The following KIAA1671 variants were observed in gnomAD, a reference collection of about 807,000 sequenced individuals.
KIAA1671 encodes uncharacterized protein KIAA1671.
KIAA1671 carries 52 observed loss-of-function variants against 131.2 expected under a neutral mutation model. That is an observed-to-expected ratio of 0.40 (90% CI 0.32 to 0.50). The LOEUF is 0.50. Among genes scored for constraint, KIAA1671 ranks in the 20% least tolerant of loss-of-function variants. The pLI, the probability that KIAA1671 is intolerant of heterozygous loss-of-function variation, is 0.73. For missense variants in KIAA1671, 2,360 were observed against 2,364.2 expected, an observed-to-expected ratio of 1.00 and a Z score of 0.04; for synonymous variants, 1,003 against 961.6, an observed-to-expected ratio of 1.04 and a Z score of -0.80.
intron 6 of KIAA1671, among the ~76,000 whole-genome samples, chr22:25,074,795 G>A (rs1251774419): frequency 3.3e-5 from 5 of 152,056 alleles, no homozygotes; most frequent in African/African-American, 1.2e-4. Context: ...GGACACTTCG[G>A]GTGTGTCCAC....
chr22:25,166,197 C>T (rs529347887), intron 6 of KIAA1671, among the ~76,000 whole-genome samples: 2 of 152,112 alleles, frequency 1.3e-5, no homozygotes, highest in African/African-American at 2.4e-5. Flanking sequence ...GACTGAGGAT[C>T]GATGCAGTAT....
chr22:25,034,542 C>T (rs1179502037), intron 4 of KIAA1671, among the ~76,000 whole-genome samples: 3 of 151,636 alleles, frequency 2.0e-5, no homozygotes, highest in African/African-American at 7.3e-5. Context: ...GTAGTTCATT[C>T]CTTTCTGTTG....
At chr22:25,121,544 C>T (rs1049573630) in intron 6 of KIAA1671, among the ~76,000 whole-genome samples, 6 of 151,828 alleles carry the variant, frequency 4.0e-5, no homozygotes, top group African/African-American at 1.5e-4. Context: ...TAATGGTGTG[C>T]TGGTAAAATG....
At chr22:25,013,907 C>A (rs1473866492) in intron 1 of KIAA1671, 1 of 152,188 alleles carries the variant, frequency 6.6e-6, no homozygotes, top group Non-Finnish European at 1.5e-5. Context: ...CATTAGACAT[C>A]TTTACTGGGT....
intron 12 of KIAA1671, among the ~76,000 whole-genome samples, 185 bp from the exon 13 acceptor site, chr22:25,192,221 A>T (rs570102797): frequency 3.2e-4 from 49 of 152,034 alleles, no homozygotes; most frequent in Non-Finnish European, 6.3e-4. Flanking sequence ...GTTTCACTGT[A>T]TTCCATGCCT....
chr22:25,092,210 A>G (rs1489690756), intron 6 of KIAA1671, among the ~76,000 whole-genome samples: 2 of 152,244 alleles, frequency 1.3e-5, no homozygotes, highest in African/African-American at 4.8e-5. Flanking sequence ...TGATGTGACA[A>G]TAAAACAGGT....
intron 1 of KIAA1671, among the ~76,000 whole-genome samples, chr22:24,976,693 TC>T (rs34884931): frequency 6.6e-6 from 1 of 152,134 alleles, no homozygotes; most frequent in Non-Finnish European, 1.5e-5. Flanking sequence ...CCCTGCCTGC[TC>T]CCCACATGCT....
chr22:25,115,120 A>G (rs1448835028), intron 6 of KIAA1671, among the ~76,000 whole-genome samples: 1 of 152,130 alleles, frequency 6.6e-6, no homozygotes, highest in Non-Finnish European at 1.5e-5. Flanking sequence ...AGGGAAAACA[A>G]ATGCTTTGTC....
rs1052172000 is a variant in KIAA1671 at position 25,047,430 on chromosome 22, C to T, written c.4396-1800C>T. On this transcript the variant is annotated intron_variant, in intron 5 of 12. Transcript: ENST00000358431. ...CCTCCCAAAGTGCTAGGATTACAGG[C>T]GTGAGCCGCCACCACCACCATGCCT... Among the ~76,000 whole-genome samples, 8 of 150,580 alleles carry T rather than the reference C, an allele frequency of 5.3e-5. No individual in the cohort carries two copies. The East Asian group carries it at 1.4e-3, about 26-fold the overall frequency.
At chr22:25,029,924 A>G (rs1926183940) in intron 3 of KIAA1671, among the ~76,000 whole-genome samples, 1 of 152,224 alleles carries the variant, frequency 6.6e-6, no homozygotes, top group African/African-American at 2.4e-5. Flanking sequence ...TCTTCCCTGA[A>G]GTCAGAGAGA....
chr22:25,040,525 G>C lies in KIAA1671; in HGVS notation c.3395G>C (p.Ser1132Thr). 6.4e-7 allele frequency: 1 copy of C among 1,551,854 alleles called. No individual in the cohort carries two copies. Among genetic ancestry groups the C allele is most frequent in the Non-Finnish European group, 8.7e-7 (1 of 1,147,034 alleles). ...ATCATTGATGTGGATGCCTTATGGA[G>C]TCATCGGGGATCAGAAGATGGCCCT... is the stretch of plus-strand genomic sequence containing the variant. The part of the protein sequence containing the change: ...GRIIDVDALW[S>T]HRGSEDGPRP... The change falls in exon 5 of 13, where the codon AGT becomes ACT. Residue 1132 changes from serine (S) to threonine (T), a missense_variant. Physicochemically the swap from Ser to Thr is moderately conservative, Grantham distance 58. Around this residue, in one of 3 missense-constraint regions of KIAA1671, gnomAD observed 1,161 missense variants for 1,204.7 expected, o/e 0.96. Transcript: ENST00000358431.
Position 25,190,715 on chromosome 22 carries a change from T to C in KIAA1671, c.5356T>C (p.Ser1786Pro), listed in dbSNP as rs763988123. Reference protein sequence around the residue: ...MDKDERSDEPSPQWLKELKSK... With the variant: ...MDKDERSDEPPPQWLKELKSK... ...TTGTGGTTTCAGGTCGGATGAACCC[T>C]CTCCCCAGTGGCTAAAGGAATTGAA... The change falls in exon 12 of 13, where the codon TCT becomes CCT. Residue 1786 changes from serine to proline, a missense_variant. Physicochemically the swap from Ser to Pro is moderately conservative, Grantham distance 74 (BLOSUM62 -1). Around this residue, in one of 3 missense-constraint regions of KIAA1671, gnomAD observed 1,161 missense variants for 1,204.7 expected, o/e 0.96. Coordinates refer to ENST00000358431, the MANE Select transcript of KIAA1671 (RefSeq NM_001145206.2). 1.5e-5 allele frequency: 24 copies of C among 1,551,466 alleles called. 1 individual carries two copies. In the South Asian group the frequency reaches 2.9e-4, roughly 18 times the overall value.
At chr22:25,082,435 T>A (rs559290238) in intron 6 of KIAA1671, among the ~76,000 whole-genome samples, 1 of 152,288 alleles carries the variant, frequency 6.6e-6, no homozygotes, top group South Asian at 2.1e-4. Context: ...ATTTTATCAC[T>A]GTGATTGGAG....
Position 25,040,338 on chromosome 22 carries a change from A to G in KIAA1671, c.3208A>G (p.Thr1070Ala). The G allele has an allele frequency of 6.4e-7, 1 of 1,551,636 alleles. No homozygotes were observed. Among genetic ancestry groups the G allele is most frequent in the South Asian group, 1.2e-5 (1 of 84,046 alleles). ...CTCGTCTCCTCATTCTTTAACATCC[A>G]CTTTGGTTTCTCTTGGTCATGAAGA... ...PPSSPHSLTS[T>A]LVSLGHEEAL... The change falls in exon 5 of 13, where the codon ACT (threonine) becomes GCT (alanine). Residue 1070 changes from threonine (T) to alanine (A), a missense_variant. By Grantham distance (58) the Thr-to-Ala change is moderately conservative. Coordinates refer to ENST00000358431, the MANE Select transcript of KIAA1671 (RefSeq NM_001145206.2).
intron 6 of KIAA1671, among the ~76,000 whole-genome samples, chr22:25,122,953 C>T (rs556388515): frequency 3.3e-5 from 5 of 151,174 alleles, no homozygotes; most frequent in South Asian, 2.1e-4. Context: ...CCAGCCGGGG[C>T]GACAGAGCAA....
In KIAA1671 at chr22:25,029,525, C is replaced by A; in HGVS notation, c.1526C>A (p.Ala509Glu). The A allele has an allele frequency of 6.5e-7, 1 of 1,540,986 alleles. No homozygotes were observed. The highest frequency in any genetic ancestry group is 8.8e-7 in the Non-Finnish European group (1 of 1,141,502). ...RRTFQARPLS[A>E]DLTKLFSSSA... ...ACGTTCCAGGCTCGGCCGCTGTCGG[C>A]GGATTTGACCAAATTGTAAGTAGGC... The change falls in exon 3 of 13, where the codon GCG (alanine) becomes GAG (glutamate). Residue 509 changes from alanine (A) to glutamate (E), a missense_variant. Ala to Glu is a moderately radical substitution (Grantham distance 107). Transcript: ENST00000358431.
intron 1 of KIAA1671, among the ~76,000 whole-genome samples, chr22:24,980,669 C>G (rs897434641): frequency 5.3e-5 from 8 of 152,120 alleles, no homozygotes; most frequent in African/African-American, 1.2e-4. Context: ...TCCACAGTGG[C>G]TACACTATTT....
At chr22:25,000,992 A>G (rs952450185) in intron 1 of KIAA1671, among the ~76,000 whole-genome samples, 12 of 150,952 alleles carry the variant, frequency 7.9e-5, no homozygotes, top group African/African-American at 1.9e-4. Flanking sequence ...CTTTTTTTTC[A>G]TGTGCTTATT....
intron 6 of KIAA1671, among the ~76,000 whole-genome samples, chr22:25,124,386 A>G (rs898091279): frequency 6.6e-6 from 1 of 152,256 alleles, no homozygotes; most frequent in South Asian, 2.1e-4. Flanking sequence ...TAAAAATTGC[A>G]GAGTTTGTGA....
Sources: allele counts gnomAD v4.1 joint callset (sites outside exome capture counted in the v4.1 genomes callset), GRCh38; gene constraint gnomAD v4.1.1; regional missense constraint gnomAD v4.1.1; transcripts MANE v1.5; gene names NCBI Gene and HGNC (gene_info 2026-07-23, HGNC 2026-07-21).